TLN2: variants seen among roughly 807,000 people sequenced by gnomAD.
TLN2 encodes talin 2, also known as talin-2.
Under a neutral mutation model 294.7 loss-of-function variants are expected in TLN2, and 118 were observed. The ratio of observed to expected loss-of-function variants is 0.40; its 90% CI spans 0.34 to 0.47. The LOEUF (loss-of-function observed/expected upper bound fraction) is 0.47. Among genes scored for constraint, TLN2 ranks in the 20% least tolerant of loss-of-function variants. The pLI is 0.84. For synonymous variants in TLN2, 1,431 were observed against 1,304.5 expected (o/e 1.10, Z -2.09); for missense variants, 3,083 against 3,282.2 (o/e 0.94, Z 1.48).
chr15:62,696,086 G>A (rs1234894647), intron 14 of TLN2, among the ~76,000 whole-genome samples: 10 of 152,180 alleles, frequency 6.6e-5, no homozygotes, highest in Admixed American at 6.5e-4. Context: ...ACTTCTTACT[G>A]GAGCCTCCAG....
chr15:62,398,828 G>A (rs1405699939), intron 1 of TLN2, among the ~76,000 whole-genome samples: 1 of 152,198 alleles, frequency 6.6e-6, no homozygotes, highest in East Asian at 1.9e-4. Context: ...AAGATTTGTA[G>A]CCTGACGCAG....
chr15:62,800,784 G>A lies in TLN2; in HGVS notation c.6477+15G>A, dbSNP rs552576904. 1.2e-6 allele frequency: 2 copies of A among 1,601,200 alleles called. No individual in the cohort carries two copies. Among genetic ancestry groups the A allele is most frequent in the South Asian group, 2.2e-5 (2 of 89,308 alleles). On this transcript the variant is annotated intron_variant, in intron 50 of 58. Transcript: ENST00000636159. ...AGGAGCTTACGGTAAGGAGCCAGCAGTTACCTCCCTTGGGTACCAGAGTCC... is the reference window on the plus strand; with the variant it reads ...AGGAGCTTACGGTAAGGAGCCAGCAATTACCTCCCTTGGGTACCAGAGTCC...
chr15:62,771,901 A>G (rs2063371876), intron 42 of TLN2, among the ~76,000 whole-genome samples: 2 of 152,248 alleles, frequency 1.3e-5, no homozygotes, highest in South Asian at 4.1e-4. Context: ...TGGCACAACC[A>G]GTCCATATTT....
chr15:62,589,286 T>C (rs758706294), intron 1 of TLN2, among the ~76,000 whole-genome samples: 28 of 152,164 alleles, frequency 1.8e-4, no homozygotes, highest in Admixed American at 1.5e-3. Context: ...AGGAGCTAAA[T>C]AGGAAAAAAA....
intron 2 of TLN2, among the ~76,000 whole-genome samples, chr15:62,594,278 A>C (rs2046308079): frequency 6.6e-6 from 1 of 152,128 alleles, no homozygotes; most frequent in Admixed American, 6.5e-5. Flanking sequence ...GTGAGTCCTG[A>C]CTCACTGCAG....
intron 2 of TLN2, among the ~76,000 whole-genome samples, chr15:62,601,553 A>G (rs2047008020): frequency 6.6e-6 from 1 of 152,260 alleles, no homozygotes; most frequent in African/African-American, 2.4e-5. Flanking sequence ...TGAGAAACAC[A>G]TAGTAACTGT....
intron 1 of TLN2, among the ~76,000 whole-genome samples, chr15:62,433,905 C>T (rs2035151931): frequency 6.6e-6 from 1 of 152,042 alleles, no homozygotes; most frequent in Non-Finnish European, 1.5e-5. Flanking sequence ...AGGAGAATCA[C>T]TTGAACCCAG....
In TLN2 at chr15:62,496,097, G is replaced by A. The variant is rs559946538; in HGVS notation, c.-237-93590G>A. On this transcript the variant is annotated intron_variant, in intron 1 of 58. Coordinates refer to ENST00000636159, the MANE Select transcript of TLN2 (RefSeq NM_015059.3). ...TGGAAAGGGTCAGGGTGGATTCTACGCCAGATGTCAGCCTGCAGAGGCTGT... is the reference window on the plus strand; with the variant it reads ...TGGAAAGGGTCAGGGTGGATTCTACACCAGATGTCAGCCTGCAGAGGCTGT... Among the ~76,000 whole-genome samples the A allele has an allele frequency of 9.8e-5, 15 of 152,332 alleles. No homozygotes were observed. The South Asian group carries it at 2.5e-3, about 25-fold the overall frequency.
At chr15:62,621,932 G>A (rs4774443) in intron 3 of TLN2, among the ~76,000 whole-genome samples, 98,325 of 152,056 alleles carry the variant, frequency 0.65, 32,457 homozygotes, top group African/African-American at 0.77. Context: ...AAACCAGTTT[G>A]GAATGGAGAA....
At chr15:62,592,184 A>G (rs777142117) in intron 2 of TLN2, among the ~76,000 whole-genome samples, 5 of 152,338 alleles carry the variant, frequency 3.3e-5, no homozygotes, top group Admixed American at 6.5e-5. Context: ...AAGAGCAGCA[A>G]TACCTGTTCC....
intron 30 of TLN2, among the ~76,000 whole-genome samples, chr15:62,738,663 CA>C (rs1477507442): frequency 6.6e-6 from 1 of 152,134 alleles, no homozygotes; most frequent in Non-Finnish European, 1.5e-5. Context: ...TACGTGTGTC[CA>C]AGCCTCAGTG....
At chr15:62,594,743 C>G (rs1281059120) in intron 2 of TLN2, among the ~76,000 whole-genome samples, 1 of 152,168 alleles carries the variant, frequency 6.6e-6, no homozygotes, top group Admixed American at 6.5e-5. Context: ...TGACATTGGT[C>G]TGGGCAAGGA....
chr15:62,699,038 G>C (rs1439438903), intron 16 of TLN2, among the ~76,000 whole-genome samples, 171 bp downstream of exon 16: 1 of 152,156 alleles, frequency 6.6e-6, no homozygotes. Flanking sequence ...TAGGAGGAGA[G>C]AATCATAGGG....
At chr15:62,821,714 G>A (rs1334366139) in intron 54 of TLN2, among the ~76,000 whole-genome samples, 1 of 152,180 alleles carries the variant, frequency 6.6e-6, no homozygotes, top group Non-Finnish European at 1.5e-5. Flanking sequence ...GCTTCTGATT[G>A]TGGGGTTTAC....
intron 54 of TLN2, among the ~76,000 whole-genome samples, chr15:62,825,473 CAA>C (rs907014414): frequency 6.6e-6 from 1 of 151,440 alleles, no homozygotes; most frequent in Admixed American, 6.6e-5. Flanking sequence ...AGGAGGAGGA[CAA>C]ATACAGCATT....
chr15:62,783,469 A>C (rs1377129137), intron 44 of TLN2, among the ~76,000 whole-genome samples: 4 of 152,234 alleles, frequency 2.6e-5, no homozygotes, highest in Non-Finnish European at 5.9e-5. Context: ...GGCCCTGGGC[A>C]CTGGCTCCAA....
chr15:62,713,917 C>T (rs139734337), intron 22 of TLN2, among the ~76,000 whole-genome samples: 5 of 122,640 alleles, frequency 4.1e-5, no homozygotes, highest in Non-Finnish European at 6.9e-5. Flanking sequence ...TATATATATG[C>T]TGTGTGTGTG....
intron 1 of TLN2, among the ~76,000 whole-genome samples, chr15:62,436,294 A>G (rs557620300): frequency 6.6e-6 from 1 of 152,112 alleles, no homozygotes; most frequent in Non-Finnish European, 1.5e-5. Context: ...AGCTCATGGA[A>G]AGCATAGCCA....
At chr15:62,696,042 A>G (rs1487944332) in intron 14 of TLN2, among the ~76,000 whole-genome samples, 1 of 152,150 alleles carries the variant, frequency 6.6e-6, no homozygotes, top group Non-Finnish European at 1.5e-5. Context: ...TTCTTCCTCC[A>G]TTGGTCCTTG....
Sources: gnomAD v4.1 joint callset for allele counts (sites outside exome capture counted in the v4.1 genomes callset) on GRCh38, gnomAD v4.1.1 for gene constraint, MANE v1.5 for transcripts, NCBI Gene and HGNC (gene_info 2026-07-23, HGNC 2026-07-21) for gene names.